The following ALDH1L2 variants were observed in gnomAD, a reference collection of about 807,000 sequenced individuals.
The protein encoded by ALDH1L2 is mitochondrial 10-formyltetrahydrofolate dehydrogenase.
Under a neutral mutation model 111.0 loss-of-function variants are expected in ALDH1L2, and 91 were observed. That is an observed-to-expected ratio of 0.82 (90% CI 0.69 to 0.98). ALDH1L2 has a LOEUF of 0.98. Ranked by LOEUF, ALDH1L2 falls within the 50% of genes least tolerant of loss-of-function variation. The pLI is 0.00. For synonymous variants in ALDH1L2, 374 were observed against 392.6 expected, an observed-to-expected ratio of 0.95 and a Z score of 0.56; for missense variants, 995 against 1,126.8, an observed-to-expected ratio of 0.88 and a Z score of 1.67.
Position 105,061,658 on chromosome 12 carries a change from G to C in ALDH1L2, c.1016C>G (p.Ala339Gly), listed in dbSNP as rs1877010102. ...TGETSVVELT[A>G]EEVKVAETIK... ...GGTCTCTGCCACTTTCACCTCTTCA[G>C]CTGTCAGTTCTACCACTGACGTCTC... Residue 339 changes from alanine to glycine, a missense_variant, in exon 8 of 23, where the codon GCT becomes GGT. Physicochemically the swap from Ala to Gly is moderately conservative, Grantham distance 60. Coordinates refer to ENST00000258494, the MANE Select transcript of ALDH1L2 (RefSeq NM_001034173.4). The C allele has an allele frequency of 2.5e-6, 4 of 1,614,116 alleles. No individual in the cohort carries two copies. The East Asian group carries it at 8.9e-5, about 36-fold the overall frequency.
At chr12:105,030,254 G>C in intron 21 of ALDH1L2, 70 bp downstream of exon 21, 1 of 1,171,698 alleles carries the variant, frequency 8.5e-7, no homozygotes, top group Non-Finnish European at 1.2e-6. Flanking sequence ...TGTGTATATA[G>C]CACAGTGGCA....
rs745833467 is a variant in ALDH1L2, at chr12:105,030,413, C to T, written c.2427G>A (p.Pro809=). Residue 809 remains proline (P), a synonymous_variant, in exon 21 of 23, where the codon CCG becomes CCA. Transcript: ENST00000258494. ...AGTCTTCCACATCTGTGAACACGGT[C>T]GGCTCCATGAAAAAGCCTTTTTGGA... The part of the protein sequence containing the change: ...QVQRPGFFME[P]TVFTDVEDYM... The T allele has an allele frequency of 6.2e-6, 10 of 1,605,076 alleles. No homozygotes were observed. The highest frequency in any genetic ancestry group is 2.2e-5 in the South Asian group (2 of 89,102).
rs200563556 is a variant in ALDH1L2 at position 105,073,851 on chromosome 12, A to T, written c.193+10T>A. ...GAATTCTTGACCCAGTCATCCCAAG[A>T]TGCACTCACCCAGAGGGTCAGCTTT... On this transcript the variant is annotated intron_variant, in intron 2 of 22. Coordinates refer to ENST00000258494, the MANE Select transcript of ALDH1L2 (RefSeq NM_001034173.4). 2.0e-4 allele frequency: 319 copies of T among 1,613,946 alleles called. 3 individuals carry two copies. The African/African-American group carries it at 3.8e-3, about 19-fold the overall frequency.
At chr12:105,066,730 G>C (rs1877381212) in intron 4 of ALDH1L2, 61 bp from the exon 5 acceptor site, 2 of 1,429,238 alleles carry the variant, frequency 1.4e-6, no homozygotes, top group Non-Finnish European at 9.9e-7. Context: ...TGGTCTATTT[G>C]ACTAAAGTTT....
Position 105,042,407 on chromosome 12 carries a change from T to TTG in ALDH1L2, c.1864-1714_1864-1713insCA, listed in dbSNP as rs1592775245. On this transcript the variant is annotated intron_variant, in intron 15 of 22. Transcript: ENST00000258494. Reference sequence around the variant, plus strand: ...AGAGTTTAATATGTATTTGGGTTTTTTTGTTGTTGTTGTTTTGCGTTGCCT... The same window carrying TTG: ...AGAGTTTAATATGTATTTGGGTTTTTTGTTGTTGTTGTTGTTTTGCGTTGCCT... 3.3e-5 allele frequency among the ~76,000 whole-genome samples: 5 copies of TTG among 151,920 alleles called. No individual in the cohort carries two copies. In the East Asian group the frequency reaches 9.7e-4, roughly 29 times the overall value.
chr12:105,052,764 T>TA (rs1876368172), intron 11 of ALDH1L2, 48 bp downstream of exon 11: 1 of 1,609,440 alleles, frequency 6.2e-7, no homozygotes, highest in East Asian at 2.2e-5. Context: ...GTGTATTAAC[T>TA]AAAAATCCAT....
In ALDH1L2 at chr12:105,060,971, G is replaced by T. The variant is rs762094443; in HGVS notation, c.1139+10C>A. On this transcript the variant is annotated intron_variant, in intron 9 of 22. Coordinates refer to ENST00000258494, the MANE Select transcript of ALDH1L2 (RefSeq NM_001034173.4). ...GAATCCCTAGTGAGTCAATAAGGGC[G>T]TGGTTTTACCTGGCAACATCCATTG... is the stretch of plus-strand genomic sequence containing the variant. The T allele has an allele frequency of 3.1e-6, 5 of 1,612,050 alleles. No homozygotes were observed. Among genetic ancestry groups the T allele is most frequent in the African/African-American group, 2.7e-5 (2 of 74,850 alleles).
intron 1 of ALDH1L2, among the ~76,000 whole-genome samples, chr12:105,081,252 ATAT>A (rs1565977100): frequency 6.6e-6 from 1 of 152,216 alleles, no homozygotes; most frequent in Non-Finnish European, 1.5e-5. Flanking sequence ...GCATCTATTA[ATAT>A]TATATCCTCA....
At chr12:105,069,085 T>C (rs2136102968) in intron 3 of ALDH1L2, among the ~76,000 whole-genome samples, 1 of 152,288 alleles carries the variant, frequency 6.6e-6, no homozygotes, top group East Asian at 1.9e-4. Context: ...ATATAATACA[T>C]CCTCATATCT....
intron 18 of ALDH1L2, among the ~76,000 whole-genome samples, chr12:105,037,112 G>GT (rs1309312540): frequency 6.6e-6 from 1 of 152,172 alleles, no homozygotes; most frequent in Admixed American, 6.5e-5. Flanking sequence ...AAGACCATAA[G>GT]TTTCCCCCAC....
intron 10 of ALDH1L2, among the ~76,000 whole-genome samples, chr12:105,053,372 G>A (rs534486667): frequency 5.9e-5 from 9 of 152,242 alleles, no homozygotes; most frequent in Admixed American, 1.3e-4. Flanking sequence ...TTCACTTTTT[G>A]TCTGTTACAC....
intron 17 of ALDH1L2, 37 bp from the exon 18 acceptor site, chr12:105,038,239 A>T (rs1486246653): frequency 3.0e-6 from 4 of 1,329,052 alleles, no homozygotes; most frequent in Non-Finnish European, 4.2e-6. Context: ...CATTTAGTTA[A>T]CATCTCTCTC....
At position 105,024,137 on chromosome 12, in the gene ALDH1L2, C is replaced by T. The variant is rs143399638; in HGVS notation, c.*287G>A. The T allele has an allele frequency of 2.0e-6, 1 of 502,956 alleles. No homozygotes were observed. The highest frequency in any genetic ancestry group is 3.6e-6 in the Non-Finnish European group (1 of 279,914). 31.2% of individuals were successfully genotyped at this position (502,956 alleles called of 1,614,324 possible). A position where few individuals can be genotyped will look rare whatever the true frequency, so the allele number is the denominator to read the frequency against. On this transcript the variant is annotated 3_prime_UTR_variant, in exon 23 of 23. Transcript: ENST00000258494. ...GGTACTGACATCTTCAAGATGGGAA[C>T]CATGAATAGATTTGTCTAGGTAGGG...
At chr12:105,062,809 G>A in intron 7 of ALDH1L2, 79 bp downstream of exon 7, 1 of 1,510,612 alleles carries the variant, frequency 6.6e-7, no homozygotes, top group Non-Finnish European at 8.9e-7. Flanking sequence ...GCAATGGAGT[G>A]AAAGCTATTC....
chr12:105,032,836 T>C (rs879480467), intron 19 of ALDH1L2, among the ~76,000 whole-genome samples: 7 of 152,226 alleles, frequency 4.6e-5, no homozygotes, highest in Admixed American at 3.9e-4. Context: ...GGTCACATTG[T>C]TATCTTTTTT....
chr12:105,060,299 G>C, intron 9 of ALDH1L2: 2 of 152,042 alleles, frequency 1.3e-5, no homozygotes, highest in South Asian at 4.1e-4. Flanking sequence ...ATCAGGCTGC[G>C]TAGGAAATTC....
chr12:105,049,846 C>G (rs1309232296), intron 13 of ALDH1L2, 62 bp downstream of exon 13: 2 of 1,525,026 alleles, frequency 1.3e-6, no homozygotes, highest in Non-Finnish European at 1.8e-6. Flanking sequence ...GACACAGTGC[C>G]TGGTACAAAC....
chr12:105,035,905 A>G (rs1470605223), intron 18 of ALDH1L2, among the ~76,000 whole-genome samples: 1 of 116,002 alleles, frequency 8.6e-6, no homozygotes, highest in Non-Finnish European at 1.7e-5. Flanking sequence ...TTATATGTGT[A>G]TATATATTAT....
intron 16 of ALDH1L2, among the ~76,000 whole-genome samples, chr12:105,040,066 C>T (rs1418660079): frequency 1.5e-5 from 2 of 133,046 alleles, no homozygotes; most frequent in African/African-American, 5.8e-5. Context: ...GCGGAGGTTG[C>T]AGTGGGCCAA....
Sources: allele counts gnomAD v4.1 joint callset (sites outside exome capture counted in the v4.1 genomes callset), GRCh38; gene constraint gnomAD v4.1.1; transcripts MANE v1.5; gene names NCBI Gene and HGNC (gene_info 2026-07-23, HGNC 2026-07-21).